The following PINX1 variants were observed in gnomAD, a reference collection of about 807,000 sequenced individuals.
The protein encoded by PINX1 is PIN2/TERF1-interacting telomerase inhibitor 1.
PINX1 carries 34 observed loss-of-function variants against 25.4 expected under a neutral mutation model. The ratio of observed to expected loss-of-function variants is 1.34; its 90% confidence interval spans 1.02 to 1.78. The LOEUF is 1.78. Among genes scored for constraint, PINX1 ranks in the 40% most tolerant of loss-of-function variants. The probability of loss-of-function intolerance (pLI) is 0.00; values close to 1 mark genes in which losing one functional copy is unlikely to be tolerated. For synonymous variants in PINX1, 197 were observed against 147.7 expected (o/e 1.33, Z -2.42); for missense variants, 592 against 404.9 (o/e 1.46, Z -3.97).
intron 6 of PINX1, among the ~76,000 whole-genome samples, chr8:10,807,546 A>T (rs1802492597): frequency 6.6e-6 from 1 of 152,048 alleles, no homozygotes; most frequent in Non-Finnish European, 1.5e-5. Flanking sequence ...ACGCCCAACC[A>T]ACTCATTCCC....
In PINX1 at chr8:10,765,067, C is replaced by G; in HGVS notation, c.*334G>C. 4.1e-6 allele frequency: 1 copy of G among 245,716 alleles called. No individual in the cohort carries two copies. The highest frequency in any genetic ancestry group is 7.7e-6 in the Non-Finnish European group (1 of 129,254). 15.2% of individuals were successfully genotyped at this position (245,716 alleles called of 1,614,324 possible). A position where few individuals can be genotyped will look rare whatever the true frequency, so the allele number is the denominator to read the frequency against. On this transcript the variant is annotated 3_prime_UTR_variant, in exon 7 of 7. Coordinates refer to ENST00000314787, the MANE Select transcript of PINX1 (RefSeq NM_017884.6). ...ACGGAGATAGTGACACACACACACA[C>G]ACACAGATGCGCACATGCACACACA...
intron 4 of PINX1, among the ~76,000 whole-genome samples, chr8:10,831,124 G>A (rs1798215021): frequency 6.6e-6 from 1 of 152,234 alleles, no homozygotes; most frequent in African/African-American, 2.4e-5. Flanking sequence ...ACGAAAGAAT[G>A]AGAGTTTTTC....
intron 6 of PINX1, among the ~76,000 whole-genome samples, chr8:10,819,160 CAG>C (rs1812711169): frequency 6.6e-6 from 1 of 152,216 alleles, no homozygotes. Flanking sequence ...CAGGGGCAGA[CAG>C]GGGCTAAAAG....
At chr8:10,826,930 G>A (rs1223502730) in intron 4 of PINX1, among the ~76,000 whole-genome samples, 6 of 152,326 alleles carry the variant, frequency 3.9e-5, no homozygotes, top group Admixed American at 2.6e-4. Context: ...TGTGGTTGCT[G>A]CATGAATCTG....
chr8:10,773,366 G>A (rs1373089172), intron 6 of PINX1, among the ~76,000 whole-genome samples: 1 of 152,224 alleles, frequency 6.6e-6, no homozygotes. Context: ...GCTAACTGCT[G>A]CCTGCTTTTG....
chr8:10,827,699 G>T (rs1412107211), intron 4 of PINX1, among the ~76,000 whole-genome samples: 1 of 151,660 alleles, frequency 6.6e-6, no homozygotes, highest in Non-Finnish European at 1.5e-5. Flanking sequence ...GAGGTCAGGA[G>T]ATCGACACCA....
chr8:10,814,711 C>T (rs1797642616), intron 6 of PINX1, among the ~76,000 whole-genome samples: 2 of 152,176 alleles, frequency 1.3e-5, no homozygotes, highest in South Asian at 4.1e-4. Flanking sequence ...CAAATATCAA[C>T]CATGATGCTA....
At chr8:10,828,793 G>A (rs191846673) in intron 4 of PINX1, among the ~76,000 whole-genome samples, 4 of 152,112 alleles carry the variant, frequency 2.6e-5, no homozygotes, top group African/African-American at 7.2e-5. Context: ...CTTTACAAAG[G>A]AAAGGCACAA....
intron 6 of PINX1, among the ~76,000 whole-genome samples, chr8:10,805,820 G>A (rs1322447265): frequency 1.6e-5 from 2 of 124,084 alleles, no homozygotes; most frequent in Admixed American, 8.5e-5. Flanking sequence ...TGCTGAGGGG[G>A]TGACAGAGCA....
At chr8:10,773,898 G>A (rs965034499) in intron 6 of PINX1, among the ~76,000 whole-genome samples, 3 of 152,210 alleles carry the variant, frequency 2.0e-5, no homozygotes, top group South Asian at 2.1e-4. Flanking sequence ...AAACTTTCCC[G>A]ACACACTGGC....
chr8:10,834,631 T>G, intron 2 of PINX1, 35 bp downstream of exon 2: 1 of 1,608,228 alleles, frequency 6.2e-7, no homozygotes, highest in Non-Finnish European at 8.5e-7. Context: ...TCTCTTTTCA[T>G]AGCTCAGATT....
intron 2 of PINX1, among the ~76,000 whole-genome samples, chr8:10,833,997 G>A (rs1331194234): frequency 6.6e-6 from 1 of 152,106 alleles, no homozygotes; most frequent in Non-Finnish European, 1.5e-5. Flanking sequence ...GAGCTCAGAG[G>A]ACAGAACTGG....
intron 6 of PINX1, among the ~76,000 whole-genome samples, chr8:10,819,948 C>A (rs1433089233): frequency 6.6e-6 from 1 of 152,036 alleles, no homozygotes; most frequent in Non-Finnish European, 1.5e-5. Context: ...GTCCTCACAC[C>A]AAAACAAAAA....
chr8:10,772,743 A>T (rs1183091365), intron 6 of PINX1, among the ~76,000 whole-genome samples: 1 of 152,206 alleles, frequency 6.6e-6, no homozygotes, highest in Non-Finnish European at 1.5e-5. Flanking sequence ...AAGCAAAGAT[A>T]CAATAACAGA....
intron 6 of PINX1, among the ~76,000 whole-genome samples, 164 bp from the exon 7 acceptor site, chr8:10,766,080 C>A (rs991751717): frequency 1.3e-5 from 2 of 152,152 alleles, no homozygotes; most frequent in Non-Finnish European, 2.9e-5. Flanking sequence ...GTGACACGCT[C>A]CCTTTGGCCT....
intron 2 of PINX1, 31 bp from the exon 3 acceptor site, chr8:10,833,015 A>G: frequency 7.2e-7 from 1 of 1,386,094 alleles, no homozygotes; most frequent in Non-Finnish European, 1.0e-6. Context: ...GAGTTAGAAC[A>G]TTCCTCTCAC....
intron 5 of PINX1, chr8:10,821,800 G>C (rs905768191): frequency 8.5e-5 from 13 of 152,306 alleles, no homozygotes; most frequent in Admixed American, 2.0e-4. Context: ...CTGGAATAGA[G>C]ACACTCTAGA....
intron 6 of PINX1, among the ~76,000 whole-genome samples, chr8:10,795,460 G>A (rs1802056193): frequency 6.6e-6 from 1 of 152,222 alleles, no homozygotes; most frequent in Non-Finnish European, 1.5e-5. Context: ...GAGTGCGGTG[G>A]CGCGATCTCG....
chr8:10,797,623 G>C (rs371585988), intron 6 of PINX1, among the ~76,000 whole-genome samples: 28 of 152,314 alleles, frequency 1.8e-4, no homozygotes, highest in African/African-American at 6.7e-4. Flanking sequence ...AGATTCAGAA[G>C]AAACCTAAGC....
Sources: allele counts gnomAD v4.1 joint callset (sites outside exome capture counted in the v4.1 genomes callset), GRCh38; gene constraint gnomAD v4.1.1; transcripts MANE v1.5; gene names NCBI Gene and HGNC (gene_info 2026-07-23, HGNC 2026-07-21).